URI1: variants seen among roughly 807,000 people sequenced by gnomAD.
The protein encoded by URI1 is unconventional prefoldin RPB5 interactor 1.
In URI1, 39 loss-of-function variants were observed where a neutral mutation model predicts 60.2. The observed-to-expected ratio is 0.65, with a 90% CI of 0.50 to 0.85. The LOEUF (loss-of-function observed/expected upper bound fraction) is 0.85. Ranked by LOEUF, URI1 falls within the 40% of genes least tolerant of loss-of-function variation. The pLI is 0.00. For missense variants in URI1, 691 were observed against 665.9 expected (o/e 1.04, Z -0.42); for synonymous variants, 251 against 236.8 (o/e 1.06, Z -0.55).
At chr19:30,003,771 T>C (rs555589851) in intron 4 of URI1, among the ~76,000 whole-genome samples, 1 of 152,160 alleles carries the variant, frequency 6.6e-6, no homozygotes, top group Admixed American at 6.6e-5. Context: ...GGATAGACTT[T>C]TAAAAATGTA....
intron 1 of URI1, among the ~76,000 whole-genome samples, chr19:29,962,121 G>A (rs1422263559): frequency 6.6e-6 from 1 of 152,132 alleles, no homozygotes; most frequent in Non-Finnish European, 1.5e-5. Flanking sequence ...AATTCACAAG[G>A]GTTCCAGTCC....
intron 4 of URI1, 37 bp downstream of exon 4, chr19:29,986,454 T>A (rs1306635015): frequency 1.3e-6 from 2 of 1,588,640 alleles, no homozygotes; most frequent in African/African-American, 2.7e-5. Flanking sequence ...CTTTGTTGTA[T>A]ATGTATCCAT....
At chr19:29,976,120 T>A (rs2055519771) in intron 2 of URI1, among the ~76,000 whole-genome samples, 1 of 152,198 alleles carries the variant, frequency 6.6e-6, no homozygotes, top group Admixed American at 6.5e-5. Flanking sequence ...TTTTTTTAAA[T>A]AAATAATTGC....
intron 4 of URI1, among the ~76,000 whole-genome samples, chr19:29,995,435 C>T (rs1295141465): frequency 2.7e-5 from 4 of 150,512 alleles, no homozygotes; most frequent in South Asian, 2.1e-4. Flanking sequence ...TTTTCTTGTT[C>T]AGTTGTAGTT....
intron 1 of URI1, among the ~76,000 whole-genome samples, chr19:29,961,688 T>G (rs183878720): frequency 0.021 from 3,060 of 147,098 alleles, 88 homozygotes; most frequent in African/African-American, 0.071. Context: ...TTTTTTTTTT[T>G]TTGTTGTTTG....
intron 1 of URI1, among the ~76,000 whole-genome samples, chr19:29,936,951 C>T (rs561402879): frequency 6.6e-6 from 1 of 152,246 alleles, no homozygotes; most frequent in East Asian, 1.9e-4. Context: ...GGGGTTTCAC[C>T]ATGTTGGCCA....
chr19:29,948,988 G>T (rs1376759973), intron 1 of URI1, among the ~76,000 whole-genome samples: 2 of 149,290 alleles, frequency 1.3e-5, no homozygotes, highest in Non-Finnish European at 1.5e-5. Context: ...CCCGGACGGG[G>T]CGGCTGGCCA....
intron 1 of URI1, among the ~76,000 whole-genome samples, chr19:29,953,456 T>A (rs1368464249): frequency 6.6e-6 from 1 of 152,182 alleles, no homozygotes; most frequent in Admixed American, 6.5e-5. Flanking sequence ...TTTCCATCAC[T>A]TTTTTCCTCT....
At position 30,012,378 on chromosome 19, in the gene URI1, T is replaced by C. The variant is rs376630567; in HGVS notation, c.1272T>C (p.Ser424=). ...AGAATAGTGTGTGTAGCGACACTAG[T>C]GAAAGCAGTGCTGCTGAATTTGATG... is the stretch of plus-strand genomic sequence containing the variant. ...SRENSVCSDT[S]ESSAAEFDDR... Residue 424 remains serine (S), a synonymous_variant, in exon 10 of 11, where the codon AGT becomes AGC. Transcript: ENST00000392271. The C allele has an allele frequency of 1.2e-6, 2 of 1,614,026 alleles. No homozygotes were observed. Among genetic ancestry groups the C allele is most frequent in the Non-Finnish European group, 1.7e-6 (2 of 1,180,020 alleles).
At chr19:29,928,584 T>C (rs1341470459) in intron 1 of URI1, among the ~76,000 whole-genome samples, 1 of 152,160 alleles carries the variant, frequency 6.6e-6, no homozygotes, top group Non-Finnish European at 1.5e-5. Context: ...CTTGTTTATT[T>C]TCAAAGCAAC....
At chr19:30,008,592 CAAT>C (rs2055973901) in intron 7 of URI1, among the ~76,000 whole-genome samples, 1 of 151,876 alleles carries the variant, frequency 6.6e-6, no homozygotes. Flanking sequence ...TTAAAAATTA[CAAT>C]AATACATGCT....
rs902827961 is a variant in URI1, at chr19:29,942,282, C to T, written c.-266C>T. ...GCCACGCGACGCCTGGCTGGGCCCG[C>T]ACCGGAGAGGCGTCTCGGTACCTGG... On this transcript the variant is annotated 5_prime_UTR_variant, in exon 1 of 11. Transcript: ENST00000392271. 1.0e-6 allele frequency: 1 copy of T among 985,174 alleles called. No homozygotes were observed. Among genetic ancestry groups the T allele is most frequent in the South Asian group, 4.6e-5 (1 of 21,952 alleles). 61.0% of individuals were successfully genotyped at this position (985,174 alleles called of 1,614,324 possible).
At chr19:29,978,906 A>G (rs1242521471) in intron 2 of URI1, among the ~76,000 whole-genome samples, 3 of 152,182 alleles carry the variant, frequency 2.0e-5, no homozygotes, top group Non-Finnish European at 4.4e-5. Context: ...AAACCTCTTG[A>G]GAAACTTTAA....
chr19:29,954,019 A>G (rs1474153357), intron 1 of URI1, among the ~76,000 whole-genome samples: 1 of 152,204 alleles, frequency 6.6e-6, no homozygotes, highest in Admixed American at 6.5e-5. Flanking sequence ...ATACCCTGAT[A>G]CTTTGAATTC....
chr19:29,969,730 G>A (rs2055434926), intron 1 of URI1, among the ~76,000 whole-genome samples: 1 of 152,012 alleles, frequency 6.6e-6, no homozygotes, highest in South Asian at 2.1e-4. Context: ...TGTTAAATAG[G>A]AACTTTATGA....
chr19:29,926,399 C>A (rs986351974), intron 1 of URI1, among the ~76,000 whole-genome samples: 1 of 152,072 alleles, frequency 6.6e-6, no homozygotes, highest in African/African-American at 2.4e-5. Flanking sequence ...CCTGCCCCAG[C>A]CTCCTGAGTA....
chr19:29,985,373 G>GTCC, intron 3 of URI1, 72 bp downstream of exon 3: 2 of 1,339,600 alleles, frequency 1.5e-6, no homozygotes, highest in South Asian at 1.2e-5. Flanking sequence ...TCGGTTCACA[G>GTCC]AATGTCAGGC....
chr19:29,972,048 CT>C, intron 2 of URI1, among the ~76,000 whole-genome samples: 1 of 152,032 alleles, frequency 6.6e-6, no homozygotes, highest in South Asian at 2.1e-4. Context: ...TTTTAAGAGG[CT>C]TTTTCTTCAT....
At chr19:29,967,045 C>T (rs1227011784) in intron 1 of URI1, among the ~76,000 whole-genome samples, 1 of 152,112 alleles carries the variant, frequency 6.6e-6, no homozygotes, top group African/African-American at 2.4e-5. Context: ...GGTTTATGCC[C>T]TCTTGTGGTC....
Sources: gnomAD v4.1 joint callset for allele counts (sites outside exome capture counted in the v4.1 genomes callset) on GRCh38, gnomAD v4.1.1 for gene constraint, MANE v1.5 for transcripts, NCBI Gene and HGNC (gene_info 2026-07-23, HGNC 2026-07-21) for gene names.